The following LARGE1 variants were observed in gnomAD, a reference collection of about 807,000 sequenced individuals.
The protein encoded by LARGE1 is LARGE xylosyl- and glucuronyltransferase 1.
In LARGE1, 43 loss-of-function variants were observed where a neutral mutation model predicts 87.6. The observed-to-expected ratio is 0.49, with a 90% CI of 0.38 to 0.63. The LOEUF (loss-of-function observed/expected upper bound fraction) is 0.63. Ranked by LOEUF, LARGE1 falls within the 30% of genes least tolerant of loss-of-function variation. The pLI, the probability that LARGE1 is intolerant of heterozygous loss-of-function variation, is 0.00. For synonymous variants in LARGE1, 434 were observed against 394.6 expected, an observed-to-expected ratio of 1.10 and a Z score of -1.18; for missense variants, 802 against 1,000.2, an observed-to-expected ratio of 0.80 and a Z score of 2.67.
Position 33,613,833 on chromosome 22 carries a change from T to C in LARGE1, c.492-9275A>G, listed in dbSNP as rs200940116. ...CTTTTGTTTATTCTGCAGGACTGCA[T>C]GGATGAGTGGCTTCCTCAATTTCCA... On this transcript the variant is annotated intron_variant, in intron 4 of 14. Transcript: ENST00000397394. 8.5e-5 allele frequency among the ~76,000 whole-genome samples: 13 copies of C among 152,322 alleles called. No individual in the cohort carries two copies. The East Asian group carries it at 2.1e-3, about 25-fold the overall frequency.
intron 9 of LARGE1, among the ~76,000 whole-genome samples, chr22:33,369,655 CCAGG>C (rs200949527): frequency 0.012 from 1,773 of 152,296 alleles, 21 homozygotes; most frequent in African/African-American, 0.035. Flanking sequence ...ACCTCTGCCT[CCAGG>C]CAGGGTTCAA....
rs138764955 is a variant in LARGE1, at chr22:33,624,887, G to A, written c.491+1357C>T. 9.2e-5 allele frequency among the ~76,000 whole-genome samples: 14 copies of A among 152,298 alleles called. No individual in the cohort carries two copies. The East Asian group carries it at 2.7e-3, about 29-fold the overall frequency. Reference sequence around the variant, plus strand: ...CAGTTGCAGTGGGGATGGAGAGAACGGGGAGAAAGTGAAAACTATCTCAGA... The same window carrying A: ...CAGTTGCAGTGGGGATGGAGAGAACAGGGAGAAAGTGAAAACTATCTCAGA... On this transcript the variant is annotated intron_variant, in intron 4 of 14. Transcript: ENST00000397394.
intron 14 of LARGE1, among the ~76,000 whole-genome samples, chr22:33,276,077 T>C (rs1602197427): frequency 6.6e-6 from 1 of 152,202 alleles, no homozygotes; most frequent in African/African-American, 2.4e-5. Context: ...GGAAGGAAAG[T>C]TCTCCTGGTG....
intron 4 of LARGE1, among the ~76,000 whole-genome samples, chr22:33,616,758 A>T (rs972373073): frequency 3.9e-5 from 6 of 152,228 alleles, no homozygotes; most frequent in African/African-American, 1.4e-4. Context: ...AAATGTCCAG[A>T]ACAGGCAAAT....
chr22:33,353,395 TTTTC>T, intron 9 of LARGE1, among the ~76,000 whole-genome samples: 1 of 152,170 alleles, frequency 6.6e-6, no homozygotes, highest in African/African-American at 2.4e-5. Flanking sequence ...GTTTTTCTTT[TTTTC>T]TTTTTTTTTT....
Position 33,874,965 on chromosome 22 carries a change from G to A in LARGE1, c.-83+45030C>T, listed in dbSNP as rs111980830. Among the ~76,000 whole-genome samples the A allele has an allele frequency of 7.5e-4, 114 of 152,254 alleles. 1 individual carries two copies. The highest frequency in any genetic ancestry group is 3.4e-3 in the Middle Eastern group (1 of 294). Reference sequence around the variant, plus strand: ...CAGAAGGTCAGCGAAGTTGAAAAACGTCCAAGATGACATGACTAAGCAGAG... The same window carrying A: ...CAGAAGGTCAGCGAAGTTGAAAAACATCCAAGATGACATGACTAAGCAGAG... On this transcript the variant is annotated intron_variant, in intron 1 of 14. Coordinates refer to ENST00000397394, the MANE Select transcript of LARGE1 (RefSeq NM_133642.5).
chr22:33,546,873 C>T (rs4821164), intron 6 of LARGE1, among the ~76,000 whole-genome samples: 65,222 of 152,050 alleles, frequency 0.43, 14,923 homozygotes, highest in Admixed American at 0.51. Context: ...CGTGAACCAC[C>T]GCACCTGGCC....
At chr22:33,436,631 A>T (rs2147777598) in intron 6 of LARGE1, 1 of 153,434 alleles carries the variant, frequency 6.5e-6, no homozygotes, top group Non-Finnish European at 1.5e-5. Context: ...CAGTTATCTG[A>T]CTGGTGACAG....
chr22:33,445,930 G>A (rs985023438), intron 6 of LARGE1, among the ~76,000 whole-genome samples: 9 of 151,686 alleles, frequency 5.9e-5, no homozygotes, highest in Non-Finnish European at 1.2e-4. Flanking sequence ...GATTACAGGC[G>A]TGAGCCACTG....
At chr22:33,477,776 G>A (rs778671431) in intron 6 of LARGE1, among the ~76,000 whole-genome samples, 1 of 152,134 alleles carries the variant, frequency 6.6e-6, no homozygotes, top group Non-Finnish European at 1.5e-5. Context: ...AAGGCCTTTG[G>A]TCACCATCAG....
At chr22:33,321,305 G>A (rs1055538432) in intron 10 of LARGE1, among the ~76,000 whole-genome samples, 32 of 152,364 alleles carry the variant, frequency 2.1e-4, no homozygotes, top group African/African-American at 7.2e-4. Context: ...TGTATGGCAA[G>A]ATCCTGGTGG....
intron 11 of LARGE1, among the ~76,000 whole-genome samples, chr22:33,248,197 T>A (rs1334131618): frequency 1.3e-5 from 2 of 152,162 alleles, no homozygotes; most frequent in African/African-American, 2.4e-5. Flanking sequence ...ACATTTTTTT[T>A]ATTTTTTTGA....
intron 4 of LARGE1, among the ~76,000 whole-genome samples, chr22:33,618,812 G>T (rs575633755): frequency 2.6e-5 from 4 of 152,164 alleles, no homozygotes; most frequent in Non-Finnish European, 5.9e-5. Context: ...TTGAGAACCC[G>T]CCTTCCTGTT....
intron 1 of LARGE1, among the ~76,000 whole-genome samples, chr22:33,783,608 G>C (rs1310047929): frequency 6.6e-6 from 1 of 152,174 alleles, no homozygotes; most frequent in African/African-American, 2.4e-5. Context: ...AAAGGAAGAA[G>C]AGGTGTCTAC....
intron 11 of LARGE1, among the ~76,000 whole-genome samples, chr22:33,184,476 G>T (rs1034741840): frequency 1.3e-5 from 2 of 151,634 alleles, no homozygotes; most frequent in Non-Finnish European, 2.9e-5. Flanking sequence ...ATAAATTTTT[G>T]TATTAATAAG....
At chr22:33,535,855 C>T (rs1027343077) in intron 6 of LARGE1, among the ~76,000 whole-genome samples, 3 of 152,112 alleles carry the variant, frequency 2.0e-5, no homozygotes, top group Non-Finnish European at 2.9e-5. Context: ...TGAAATTTGC[C>T]GGCAACCCTT....
At chr22:33,313,066 C>T (rs1178602030) in intron 11 of LARGE1, among the ~76,000 whole-genome samples, 2 of 152,264 alleles carry the variant, frequency 1.3e-5, no homozygotes, top group East Asian at 3.9e-4. Context: ...GGCTGGCCAC[C>T]TCCCCTGGTT....
At chr22:33,771,636 A>G (rs1386244248) in intron 1 of LARGE1, among the ~76,000 whole-genome samples, 1 of 152,018 alleles carries the variant, frequency 6.6e-6, no homozygotes, top group Non-Finnish European at 1.5e-5. Flanking sequence ...TTGCAAAACA[A>G]TCTCCCGGCT....
chr22:33,180,669 C>T lies in LARGE1; in HGVS notation c.1731-13837G>A, dbSNP rs183595023. Among the ~76,000 whole-genome samples, 263 of 152,314 alleles carry T rather than the reference C, an allele frequency of 1.7e-3. 1 individual carries two copies. The highest frequency in any genetic ancestry group is 3.4e-3 in the Middle Eastern group (1 of 294). The stretch of plus-strand genomic sequence containing the variant: ...GTAACAGCCAAAAGGTGGAAACAAC[C>T]TAAATATCCGTTAACTGATGAGTGA... On this transcript the variant is annotated intron_variant, in intron 11 of 11. Coordinates refer to the LARGE1 transcript ENST00000608642.
Sources: allele counts gnomAD v4.1 joint callset (sites outside exome capture counted in the v4.1 genomes callset), GRCh38; gene constraint gnomAD v4.1.1; transcripts MANE v1.5; gene names NCBI Gene and HGNC (gene_info 2026-07-23, HGNC 2026-07-21).